INPP4B: variants seen among roughly 807,000 people sequenced by gnomAD.
INPP4B encodes inositol polyphosphate 4-phosphatase type II.
A neutral mutation model predicts 122.5 loss-of-function variants in INPP4B; 55 were observed. That is an observed-to-expected ratio of 0.45 (90% CI 0.36 to 0.56). The LOEUF (loss-of-function observed/expected upper bound fraction) is 0.56. INPP4B is among the 20% of genes least tolerant of loss of function. The pLI is 0.00. For synonymous variants in INPP4B, 403 were observed against 388.7 expected (o/e 1.04, Z -0.43); for missense variants, 1,000 against 1,097.7 (o/e 0.91, Z 1.26).
intron 7 of INPP4B, among the ~76,000 whole-genome samples, chr4:142,337,200 A>C (rs1776940502): frequency 7.0e-6 from 1 of 143,066 alleles, no homozygotes. Context: ...ACTGTACTAC[A>C]ATTTATCCCT....
chr4:142,320,139 C>T (rs1769442091), intron 7 of INPP4B, among the ~76,000 whole-genome samples: 1 of 152,320 alleles, frequency 6.6e-6, no homozygotes, highest in East Asian at 1.9e-4. Flanking sequence ...ACCAGCAGCC[C>T]TTGCCATGCT....
At chr4:142,729,365 C>G (rs925847466) in intron 1 of INPP4B, among the ~76,000 whole-genome samples, 5 of 152,120 alleles carry the variant, frequency 3.3e-5, no homozygotes, top group Non-Finnish European at 7.3e-5. Context: ...AACTGACTTA[C>G]AGTTTTAACA....
chr4:142,120,873 ATTG>A (rs2152745066), intron 21 of INPP4B, among the ~76,000 whole-genome samples: 1 of 152,138 alleles, frequency 6.6e-6, no homozygotes, highest in Non-Finnish European at 1.5e-5. Context: ...GTTGTTTTGG[ATTG>A]TTATTTCCAG....
chr4:142,077,612 T>C (rs336383), intron 25 of INPP4B, among the ~76,000 whole-genome samples: 132,018 of 151,732 alleles, frequency 0.87, 59,646 homozygotes, highest in Non-Finnish European at 0.98. Context: ...TGCAAATGCA[T>C]TGGGACAAGA....
At chr4:142,574,228 A>C (rs1733389361) in intron 2 of INPP4B, among the ~76,000 whole-genome samples, 2 of 152,090 alleles carry the variant, frequency 1.3e-5, no homozygotes, top group African/African-American at 4.8e-5. Flanking sequence ...CCACAGTTAC[A>C]AACTCATGGA....
At chr4:142,519,588 G>A (rs886453457) in intron 2 of INPP4B, among the ~76,000 whole-genome samples, 1 of 152,074 alleles carries the variant, frequency 6.6e-6, no homozygotes, top group Non-Finnish European at 1.5e-5. Context: ...ACAGTTTAAA[G>A]CAAATATGAA....
chr4:142,698,334 C>T (rs1761282061), intron 2 of INPP4B, among the ~76,000 whole-genome samples: 1 of 151,688 alleles, frequency 6.6e-6, no homozygotes, highest in Non-Finnish European at 1.5e-5. Flanking sequence ...AATCTTAGCA[C>T]TGAAAGGGTA....
intron 2 of INPP4B, among the ~76,000 whole-genome samples, chr4:142,471,630 G>A (rs1323998187): frequency 2.0e-5 from 3 of 152,196 alleles, no homozygotes; most frequent in African/African-American, 7.2e-5. Flanking sequence ...TCAAGACAGT[G>A]GGGGCAGAGG....
At chr4:142,304,890 G>A (rs1762772058) in intron 9 of INPP4B, among the ~76,000 whole-genome samples, 1 of 152,096 alleles carries the variant, frequency 6.6e-6, no homozygotes, top group Admixed American at 6.5e-5. Flanking sequence ...AAAATAGTGT[G>A]ACTTCCTAAA....
chr4:142,828,705 A>G (rs1781741529), intron 1 of INPP4B, among the ~76,000 whole-genome samples: 1 of 152,210 alleles, frequency 6.6e-6, no homozygotes, highest in Non-Finnish European at 1.5e-5. Context: ...AGAAACAACC[A>G]ACAGTTATTG....
chr4:142,342,339 A>G (rs1778959579), intron 7 of INPP4B, among the ~76,000 whole-genome samples: 1 of 152,180 alleles, frequency 6.6e-6, no homozygotes, highest in East Asian at 1.9e-4. Flanking sequence ...AATCAAATAG[A>G]GTACTGGTTA....
chr4:142,274,652 G>T (rs1296703686), intron 9 of INPP4B, among the ~76,000 whole-genome samples: 1 of 151,714 alleles, frequency 6.6e-6, no homozygotes, highest in Non-Finnish European at 1.5e-5. Context: ...ATTGGATCTT[G>T]GTATGTTTAC....
chr4:142,610,942 A>G (rs1399439462), intron 2 of INPP4B, among the ~76,000 whole-genome samples: 1 of 152,200 alleles, frequency 6.6e-6, no homozygotes, highest in Non-Finnish European at 1.5e-5. Flanking sequence ...CCACCACAAA[A>G]TATGTATTAG....
chr4:142,205,368 C>A (rs1283167772), intron 14 of INPP4B, among the ~76,000 whole-genome samples: 1 of 152,128 alleles, frequency 6.6e-6, no homozygotes, highest in African/African-American at 2.4e-5. Flanking sequence ...CTTTTCCCTC[C>A]TTGCCTTATT....
At chr4:142,278,158 T>G (rs1749512937) in intron 9 of INPP4B, among the ~76,000 whole-genome samples, 1 of 151,962 alleles carries the variant, frequency 6.6e-6, no homozygotes, top group Admixed American at 6.6e-5. Context: ...GCACACTGAA[T>G]GCAGCTATAA....
chr4:142,508,915 T>C lies in INPP4B; in HGVS notation c.-190-46189A>G, dbSNP rs537239557. ...ATGAAGAATAATTTAATCCAAATGTTAAAGCCATGGTTGGGAAACTCGGCT... is the reference window on the plus strand; with the variant it reads ...ATGAAGAATAATTTAATCCAAATGTCAAAGCCATGGTTGGGAAACTCGGCT... On this transcript the variant is annotated intron_variant, in intron 2 of 25. Coordinates refer to ENST00000262992, the MANE Select transcript of INPP4B (RefSeq NM_001101669.3). 3.4e-4 allele frequency among the ~76,000 whole-genome samples: 52 copies of C among 152,252 alleles called. 1 individual carries two copies. Among genetic ancestry groups the C allele is most frequent in the Non-Finnish European group, 1.3e-4 (9 of 68,026 alleles).
chr4:142,601,153 A>G (rs1739814005), intron 2 of INPP4B, among the ~76,000 whole-genome samples: 1 of 152,156 alleles, frequency 6.6e-6, no homozygotes. Flanking sequence ...AAGAGAAAAT[A>G]AACAAAGAAA....
intron 2 of INPP4B, among the ~76,000 whole-genome samples, chr4:142,478,902 T>A (rs1486462011): frequency 6.6e-6 from 1 of 151,908 alleles, no homozygotes; most frequent in African/African-American, 2.4e-5. Flanking sequence ...CCCTGGAGGA[T>A]AACCAGCAAG....
intron 9 of INPP4B, among the ~76,000 whole-genome samples, chr4:142,270,975 T>G (rs1235899504): frequency 1.3e-5 from 2 of 152,018 alleles, no homozygotes; most frequent in Non-Finnish European, 2.9e-5. Flanking sequence ...TTTTTTCTTT[T>G]TTTTTGAGAT....
Sources: gnomAD v4.1 joint callset for allele counts (sites outside exome capture counted in the v4.1 genomes callset) on GRCh38, gnomAD v4.1.1 for gene constraint, MANE v1.5 for transcripts, NCBI Gene and HGNC (gene_info 2026-07-23, HGNC 2026-07-21) for gene names.